The following CLDN14 variants were observed in gnomAD, a reference collection of about 807,000 sequenced individuals.
CLDN14 encodes claudin 14, also known as claudin-14.
A neutral mutation model predicts 2.1 loss-of-function variants in CLDN14; 2 were observed. That is an observed-to-expected ratio of 0.96 (90% CI 0.39 to 3.01). The LOEUF (loss-of-function observed/expected upper bound fraction) is 3.01, where lower values mean the gene tolerates loss of function less well. Ranked by LOEUF, CLDN14 falls within the 30% of genes most tolerant of loss-of-function variation. The pLI is 0.09. For missense variants in CLDN14, 298 were observed against 328.0 expected (o/e 0.91, Z 0.71); for synonymous variants, 136 against 154.4 (o/e 0.88, Z 0.88).
intron 1 of CLDN14, among the ~76,000 whole-genome samples, chr21:36,523,060 C>T (rs1310235591): frequency 1.3e-5 from 2 of 152,170 alleles, no homozygotes; most frequent in Non-Finnish European, 2.9e-5. Flanking sequence ...CCCCACCTCC[C>T]CAGGGACACT....
intron 1 of CLDN14, among the ~76,000 whole-genome samples, chr21:36,549,371 G>A (rs1346539462): frequency 6.6e-6 from 1 of 152,018 alleles, no homozygotes; most frequent in Admixed American, 6.6e-5. Flanking sequence ...GTAAGAAAAT[G>A]CTGCAAAATG....
chr21:36,559,870 A>G (rs2087621940), intron 1 of CLDN14, among the ~76,000 whole-genome samples: 1 of 152,252 alleles, frequency 6.6e-6, no homozygotes, highest in South Asian at 2.1e-4. Flanking sequence ...TCAGTTTTTC[A>G]TGATCAAAGG....
upstream of CLDN14, chr21:36,480,784 C>A (rs1423076326): frequency 2.0e-5 from 3 of 152,150 alleles, no homozygotes; most frequent in Non-Finnish European, 2.9e-5. Flanking sequence ...GGGCCAGGGA[C>A]TTACTTGGGC....
At chr21:36,564,324 T>G (rs189031711) in intron 1 of CLDN14, among the ~76,000 whole-genome samples, 1 of 152,246 alleles carries the variant, frequency 6.6e-6, no homozygotes, top group Admixed American at 6.5e-5. Flanking sequence ...CAGAGAAAAC[T>G]ACCAGCTATC....
In CLDN14 at chr21:36,551,328, C is replaced by T. The variant is rs754292082; in HGVS notation, c.-220+25083G>A. On this transcript the variant is annotated intron_variant, in intron 1 of 2. Transcript: ENST00000342108. This position sits in a 1 kb window ranked among gnomAD's most constrained non-coding sequence, Gnocchi z 4.8. ...CTCCGAGCAGATGCACTGTTCCCTG[C>T]GGACAGGATTTATTCCTGGAGCCTC... Among the ~76,000 whole-genome samples, 1 of 152,194 alleles carries T rather than the reference C, an allele frequency of 6.6e-6. No individual in the cohort carries two copies. Among genetic ancestry groups the T allele is most frequent in the Admixed American group, 6.5e-5 (1 of 15,284 alleles).
At chr21:36,472,665 G>GT (rs2086724592) in intron 1 of CLDN14, among the ~76,000 whole-genome samples, 1 of 152,188 alleles carries the variant, frequency 6.6e-6, no homozygotes. Context: ...AGACTTGCTG[G>GT]ATTAAGCCAC....
intron 1 of CLDN14, among the ~76,000 whole-genome samples, chr21:36,548,939 C>T (rs533372424): frequency 6.6e-6 from 1 of 152,338 alleles, no homozygotes; most frequent in Non-Finnish European, 1.5e-5. Flanking sequence ...GGGCACATTC[C>T]AGTTGCTGCA....
rs143890530 is a variant in CLDN14 at position 36,518,451 on chromosome 21, T to G, written c.-219-7951A>C. ...CCCCATCTCTACAAAAATACAAAAATTAGCCAGGCATGATGGCAGGTGCCT... is the reference window on the plus strand; with the variant it reads ...CCCCATCTCTACAAAAATACAAAAAGTAGCCAGGCATGATGGCAGGTGCCT... On this transcript the variant is annotated intron_variant, in intron 1 of 2. Coordinates refer to the CLDN14 transcript ENST00000342108. Among the ~76,000 whole-genome samples the G allele has an allele frequency of 7.1e-3, 1,085 of 152,036 alleles. 7 individuals are homozygous for G. The highest frequency in any genetic ancestry group is 0.025 in the African/African-American group (1,023 of 41,484).
At chr21:36,534,519 T>G (rs1444297041) in intron 1 of CLDN14, among the ~76,000 whole-genome samples, 2 of 152,190 alleles carry the variant, frequency 1.3e-5, no homozygotes, top group Non-Finnish European at 2.9e-5. Context: ...CTGGCAATCC[T>G]TCAAGTCTCT....
intron 1 of CLDN14, among the ~76,000 whole-genome samples, chr21:36,539,451 AGAGT>A (rs1470948794): frequency 2.0e-4 from 27 of 135,668 alleles, no homozygotes; most frequent in African/African-American, 6.5e-4. Context: ...GTGTGTGTGC[AGAGT>A]GAGTGTGTGT....
intron 1 of CLDN14, among the ~76,000 whole-genome samples, chr21:36,554,147 G>C (rs1303504431): frequency 6.6e-6 from 1 of 152,124 alleles, no homozygotes; most frequent in African/African-American, 2.4e-5. Context: ...TGTCTGCCTT[G>C]TTCTCTGGTT....
Position 36,479,981 on chromosome 21 carries a change from C to T in CLDN14, c.-568G>A, listed in dbSNP as rs1376140130. 6.6e-6 allele frequency: 1 copy of T among 152,330 alleles called. No homozygotes were observed. Among genetic ancestry groups the T allele is most frequent in the Non-Finnish European group, 1.5e-5 (1 of 68,136 alleles). 9.4% of individuals were successfully genotyped at this position (152,330 alleles called of 1,614,324 possible). A position where few individuals can be genotyped will look rare whatever the true frequency, so the allele number is the denominator to read the frequency against. ...CTGTTCACACTCACTTCCCTGTGTCCTGGAACTGCCTGATTGTTGTAGATT... is the reference window on the plus strand; with the variant it reads ...CTGTTCACACTCACTTCCCTGTGTCTTGGAACTGCCTGATTGTTGTAGATT... On this transcript the variant is annotated 5_prime_UTR_variant, in exon 1 of 2. Coordinates refer to ENST00000399135, the MANE Select transcript of CLDN14 (RefSeq NM_001146079.2).
At chr21:36,482,389 G>C (rs2086854998), upstream of CLDN14, among the ~76,000 whole-genome samples, 1 of 139,960 alleles carries the variant, frequency 7.1e-6, no homozygotes, top group Non-Finnish European at 1.5e-5. Flanking sequence ...TGGATGGATG[G>C]ATGGATGGAT....
At position 36,498,300 on chromosome 21, in the gene CLDN14, C is replaced by G. The variant is rs1425269897; in HGVS notation, c.-82+12063G>C. ...ATAGACATGAGCCACTGCGCCCAGA[C>G]AGGAAGATGCGTTTGTGAGCCGGGA... On this transcript the variant is annotated intron_variant, in intron 2 of 2. Coordinates refer to the CLDN14 transcript ENST00000342108. This position sits in a 1 kb window ranked among gnomAD's most constrained non-coding sequence, Gnocchi z 4.9. 6.6e-6 allele frequency among the ~76,000 whole-genome samples: 1 copy of G among 152,022 alleles called. No individual in the cohort carries two copies. Among genetic ancestry groups the G allele is most frequent in the Non-Finnish European group, 1.5e-5 (1 of 68,004 alleles).
In CLDN14 at chr21:36,461,050, C is replaced by A. The variant is rs748973638; in HGVS notation, c.646G>T (p.Ala216Ser). 6.2e-7 allele frequency: 1 copy of A among 1,613,982 alleles called. No individual in the cohort carries two copies. The change falls in exon 2 of 2, where the codon GCC (alanine) becomes TCC (serine). Residue 216 changes from alanine to serine, a missense_variant. Coordinates refer to ENST00000399135, the MANE Select transcript of CLDN14 (RefSeq NM_001146079.2). ...GAGGGGGCCCGATTGTCTTTGTAGG[C>A]AGCTGGTGGCTGGTAGGCAGGTGCG... is the stretch of plus-strand genomic sequence containing the variant. ...NTAPAYQPPA[A>S]YKDNRAPSVT...
At chr21:36,487,345 G>A in intron 2 of CLDN14, 1 of 221,974 alleles carries the variant, frequency 4.5e-6, no homozygotes, top group Non-Finnish European at 9.4e-6. Context: ...AGCTGGGTGG[G>A]GAAGAAGTCC....
intron 1 of CLDN14, among the ~76,000 whole-genome samples, chr21:36,539,744 GGAGT>G (rs1197332970): frequency 1.3e-5 from 2 of 150,048 alleles, no homozygotes; most frequent in Admixed American, 1.3e-4. Context: ...GTATGTGTGC[GGAGT>G]GAGTATGTCT....
At chr21:36,566,076 C>T (rs958534449) in intron 1 of CLDN14, among the ~76,000 whole-genome samples, 2 of 152,210 alleles carry the variant, frequency 1.3e-5, no homozygotes, top group Admixed American at 1.3e-4. Context: ...AATTTTATAT[C>T]TATCATACAG....
chr21:36,469,448 G>A (rs1267205758), intron 1 of CLDN14, among the ~76,000 whole-genome samples: 1 of 152,154 alleles, frequency 6.6e-6, no homozygotes, highest in African/African-American at 2.4e-5. Context: ...GGATACTTAC[G>A]TGACTACGAC....
Sources: allele counts gnomAD v4.1 joint callset (sites outside exome capture counted in the v4.1 genomes callset), GRCh38; gene constraint gnomAD v4.1.1; non-coding constraint Gnocchi (gnomAD v3.1); transcripts MANE v1.5; gene names NCBI Gene and HGNC (gene_info 2026-07-23, HGNC 2026-07-21).